The following NHSL2 variants were observed in gnomAD, a reference collection of about 807,000 sequenced individuals.
NHSL2 encodes the protein NHS-like protein 2.
NHSL2 carries 27 observed loss-of-function variants against 53.4 expected under a neutral mutation model. That is an observed-to-expected ratio of 0.51 (90% CI 0.37 to 0.70). NHSL2 has a LOEUF of 0.70. Ranked by LOEUF, NHSL2 falls within the 30% of genes least tolerant of loss-of-function variation. The pLI is 0.00. For synonymous variants in NHSL2, 408 were observed against 404.1 expected (o/e 1.01, Z -0.12); for missense variants, 892 against 980.1 (o/e 0.91, Z 1.20).
chrX:71,975,971 T>C (rs1391977992), intron 1 of NHSL2, among the ~76,000 whole-genome samples: 5 of 111,651 alleles, frequency 4.5e-5, no homozygotes, highest in Non-Finnish European at 9.4e-5. Context: ...CCCCCACATC[T>C]CTGGGCTAGA....
At chrX:72,128,009 T>G (rs2042244726) in intron 1 of NHSL2, 1 of 112,325 alleles carries the variant, frequency 8.9e-6, no homozygotes. Context: ...GTCCTCATAG[T>G]TTTCTCTATT....
At chrX:72,034,216 T>C (rs1327590196) in intron 1 of NHSL2, among the ~76,000 whole-genome samples, 3 of 112,248 alleles carry the variant, frequency 2.7e-5, no homozygotes, top group Non-Finnish European at 5.6e-5. Context: ...GTAGATTACA[T>C]TGATTTTTCA....
intron 1 of NHSL2, among the ~76,000 whole-genome samples, chrX:71,956,750 G>A (rs916473358): frequency 9.0e-6 from 1 of 111,078 alleles, no homozygotes; most frequent in Non-Finnish European, 1.9e-5. Flanking sequence ...CAGCCAACAC[G>A]TAACTGAGCT....
chrX:72,051,189 G>T (rs914862165), intron 1 of NHSL2, among the ~76,000 whole-genome samples: 2 of 112,030 alleles, frequency 1.8e-5, no homozygotes, highest in Non-Finnish European at 3.8e-5. Context: ...CATGTTAACT[G>T]CTATATAGTA....
intron 1 of NHSL2, chrX:72,131,622 C>A: frequency 1.0e-6 from 1 of 989,594 alleles, no homozygotes; most frequent in Non-Finnish European, 1.4e-6. Flanking sequence ...GGCCGAAATG[C>A]GGCGGCGGGG....
intron 1 of NHSL2, among the ~76,000 whole-genome samples, chrX:72,034,523 T>C (rs778185873): frequency 8.9e-6 from 1 of 112,032 alleles, no homozygotes; most frequent in Non-Finnish European, 1.9e-5. Context: ...CTTTAATGTT[T>C]GGTAGAATTC....
At chrX:72,115,437 G>T (rs1432173800) in intron 1 of NHSL2, among the ~76,000 whole-genome samples, 1 of 88,561 alleles carries the variant, frequency 1.1e-5, no homozygotes, top group Non-Finnish European at 2.2e-5. Flanking sequence ...GGGGCGGGGG[G>T]GGGGTGCGGG....
chrX:72,088,745 T>C (rs1348499189), intron 1 of NHSL2, among the ~76,000 whole-genome samples: 1 of 112,024 alleles, frequency 8.9e-6, no homozygotes, highest in East Asian at 2.8e-4. Context: ...CAGGGAGACC[T>C]TGTTTCAAAA....
At chrX:72,138,317 A>C in intron 5 of NHSL2, 124 bp from the exon 6 acceptor site, 1 of 506,126 alleles carries the variant, frequency 2.0e-6, no homozygotes, top group South Asian at 3.5e-5. Context: ...GAAGGGAAGA[A>C]CCAAGGAATT....
chrX:72,008,343 GT>G (rs941247544), intron 1 of NHSL2, among the ~76,000 whole-genome samples: 3 of 112,115 alleles, frequency 2.7e-5, no homozygotes, highest in African/African-American at 9.7e-5. Context: ...TGCGGACAGT[GT>G]TTTCCAAAAT....
intron 1 of NHSL2, among the ~76,000 whole-genome samples, chrX:71,969,190 T>C (rs993402459): frequency 8.9e-6 from 1 of 111,982 alleles, no homozygotes; most frequent in Non-Finnish European, 1.9e-5. Context: ...TTATATCTTT[T>C]AAGATTTTTT....
intron 1 of NHSL2, among the ~76,000 whole-genome samples, chrX:72,058,977 C>T (rs1390710321): frequency 8.9e-6 from 1 of 111,778 alleles, no homozygotes; most frequent in Non-Finnish European, 1.9e-5. Flanking sequence ...TCAGACTGGA[C>T]CATCTCACCT....
chrX:71,948,860 T>TC (rs1199678723), intron 1 of NHSL2, among the ~76,000 whole-genome samples: 1 of 107,228 alleles, frequency 9.3e-6, no homozygotes, highest in Admixed American at 9.8e-5. Context: ...TGTTTTTTTT[T>TC]TTTTGAGACA....
chrX:72,069,796 A>G, intron 1 of NHSL2: 1 of 743,371 alleles, frequency 1.3e-6, no homozygotes, highest in Non-Finnish European at 1.7e-6. Context: ...TCCTACAGCC[A>G]GGGCCTCCCA....
intron 1 of NHSL2, among the ~76,000 whole-genome samples, chrX:72,050,670 G>C (rs923495071): frequency 9.0e-6 from 1 of 111,014 alleles, no homozygotes; most frequent in Non-Finnish European, 1.9e-5. Flanking sequence ...GAGGTGAGTG[G>C]ATCACTTGAG....
intron 1 of NHSL2, among the ~76,000 whole-genome samples, chrX:72,048,778 G>T (rs1294791910): frequency 9.1e-6 from 1 of 109,424 alleles, no homozygotes; most frequent in Non-Finnish European, 1.9e-5. Context: ...GTGCCTCCCT[G>T]TCTGAAGCAG....
Position 72,142,308 on chromosome X carries a change from T to G in NHSL2, c.3300T>G (p.Asp1100Glu). The G allele has an allele frequency of 8.6e-7, 1 of 1,159,785 alleles. No homozygotes were observed. Among genetic ancestry groups the G allele is most frequent in the South Asian group, 1.9e-5 (1 of 52,475 alleles). ...DKTAEWIAED[D>E]DDVFVASRTT... ...CAGCTGAATGGATTGCAGAGGATGA[T>G]GATGACGTGTTTGTGGCTTCACGCA... is the stretch of plus-strand genomic sequence containing the variant. Residue 1100 changes from aspartate to glutamate, a missense_variant, in exon 7 of 8, where the codon GAT (aspartate) becomes GAG (glutamate). Coordinates refer to ENST00000633930, the MANE Select transcript of NHSL2 (RefSeq NM_001013627.3).
At chrX:71,996,704 C>T (rs2042051532) in intron 1 of NHSL2, among the ~76,000 whole-genome samples, 1 of 112,489 alleles carries the variant, frequency 8.9e-6, no homozygotes, top group Non-Finnish European at 1.9e-5. Flanking sequence ...CATGCAGGAC[C>T]TCTTCCCCCA....
chrX:72,002,500 C>CT (rs763498556), intron 1 of NHSL2, among the ~76,000 whole-genome samples: 9 of 112,375 alleles, frequency 8.0e-5, no homozygotes, highest in African/African-American at 2.9e-4. Flanking sequence ...AATGTAACAT[C>CT]TATTAAGAGA....
Sources: gnomAD v4.1 joint callset for allele counts (sites outside exome capture counted in the v4.1 genomes callset) on GRCh38, gnomAD v4.1.1 for gene constraint, MANE v1.5 for transcripts, NCBI Gene and HGNC (gene_info 2026-07-23, HGNC 2026-07-21) for gene names.